Variants in TTLL6 observed in about 807,000 individuals in gnomAD.
The protein encoded by TTLL6 is tubulin tyrosine ligase like 6.
TTLL6 carries 75 observed loss-of-function variants against 96.4 expected under a neutral mutation model. That is an observed-to-expected ratio of 0.78 (90% CI 0.65 to 0.94). The LOEUF (loss-of-function observed/expected upper bound fraction) is 0.94, where lower values mean the gene tolerates loss of function less well. Ranked by LOEUF, TTLL6 falls within the 40% of genes least tolerant of loss-of-function variation. TTLL6 has a pLI of 0.00. For missense variants in TTLL6, 1,030 were observed against 1,093.0 expected (o/e 0.94, Z 0.81); for synonymous variants, 411 against 419.4 (o/e 0.98, Z 0.24).
At chr17:48,805,143 G>C (rs1386729956) in intron 1 of TTLL6, among the ~76,000 whole-genome samples, 152 bp from the exon 2 acceptor site, 1 of 152,248 alleles carries the variant, frequency 6.6e-6, no homozygotes, top group African/African-American at 2.4e-5. Context: ...TTTGATGCAA[G>C]CTCAGGGAGG....
intron 1 of TTLL6, among the ~76,000 whole-genome samples, chr17:48,813,685 G>A (rs1168094397): frequency 6.6e-6 from 1 of 152,110 alleles, no homozygotes; most frequent in Non-Finnish European, 1.5e-5. Context: ...GCCATAACCT[G>A]GTAACAGCTG....
chr17:48,807,878 G>T (rs565190551), intron 1 of TTLL6, among the ~76,000 whole-genome samples: 3 of 151,956 alleles, frequency 2.0e-5, no homozygotes, highest in Admixed American at 6.5e-5. Flanking sequence ...TCGCTCAGTC[G>T]CCCAGGCTGG....
chr17:48,785,228 C>G (rs2039068019), intron 12 of TTLL6, 27 bp from the exon 13 acceptor site: 1 of 1,613,682 alleles, frequency 6.2e-7, no homozygotes, highest in Non-Finnish European at 8.5e-7. Flanking sequence ...CCACAACACA[C>G]AGCCATGGGA....
chr17:48,781,800 G>A (rs1290179048), intron 13 of TTLL6, among the ~76,000 whole-genome samples: 1 of 152,130 alleles, frequency 6.6e-6, no homozygotes, highest in Non-Finnish European at 1.5e-5. Context: ...ATGACTAGTG[G>A]AAAGGGCAGA....
At chr17:48,803,037 G>A (rs145628949) in intron 3 of TTLL6, among the ~76,000 whole-genome samples, 273 of 152,088 alleles carry the variant, frequency 1.8e-3, no homozygotes, top group African/African-American at 6.2e-3. Context: ...GGGCGAGGTG[G>A]TGCATGCCTG....
intron 13 of TTLL6, among the ~76,000 whole-genome samples, chr17:48,781,094 C>T (rs1018709610): frequency 6.6e-6 from 1 of 151,620 alleles, no homozygotes; most frequent in East Asian, 1.9e-4. Flanking sequence ...GTTGCCCAGG[C>T]TGGAGTGCAG....
intron 13 of TTLL6, among the ~76,000 whole-genome samples, chr17:48,773,439 C>T (rs1384902017): frequency 6.6e-6 from 1 of 152,124 alleles, no homozygotes; most frequent in African/African-American, 2.4e-5. Context: ...AAAACCACAC[C>T]CAGACACATT....
At chr17:48,782,880 A>G (rs538444350) in intron 13 of TTLL6, among the ~76,000 whole-genome samples, 1 of 151,790 alleles carries the variant, frequency 6.6e-6, no homozygotes, top group African/African-American at 2.4e-5. Flanking sequence ...TGCCCAGCTA[A>G]TTTTTGTATT....
chr17:48,797,151 T>C lies in TTLL6; in HGVS notation c.822A>G (p.Thr274=), dbSNP rs1246052164. 1 of 1,551,484 alleles carries C rather than the reference T, an allele frequency of 6.4e-7. No homozygotes were observed. Among genetic ancestry groups the C allele is most frequent in the African/African-American group, 1.4e-5 (1 of 72,980 alleles). ...CAAAAATCCTGAGAGGGTCACAGGA[T>C]GTCACCAGTACATAAATCCGTAGGT... The part of the protein sequence containing the change: ...KFDLRIYVLV[T]SCDPLRIFVY... The change falls in exon 7 of 16, where the codon ACA becomes ACG. Residue 274 remains threonine, a synonymous_variant. Transcript: ENST00000393382.
At chr17:48,811,147 C>A (rs778320972) in intron 1 of TTLL6, among the ~76,000 whole-genome samples, 42 of 148,818 alleles carry the variant, frequency 2.8e-4, no homozygotes, top group Middle Eastern at 3.2e-3. Flanking sequence ...CGGCTCACTG[C>A]AACCTCTGCT....
intron 13 of TTLL6, among the ~76,000 whole-genome samples, chr17:48,781,644 C>T (rs2038987544): frequency 2.0e-5 from 3 of 152,030 alleles, no homozygotes; most frequent in South Asian, 2.1e-4. Context: ...TTTTAAATTG[C>T]ATTTTTGTTG....
intron 13 of TTLL6, among the ~76,000 whole-genome samples, chr17:48,782,849 G>T (rs1367571389): frequency 6.6e-6 from 1 of 152,092 alleles, no homozygotes; most frequent in African/African-American, 2.4e-5. Flanking sequence ...AAGTAGACGG[G>T]ATTGTAGGCA....
chr17:48,804,353 G>A, intron 2 of TTLL6: 1 of 483,958 alleles, frequency 2.1e-6, no homozygotes, highest in Non-Finnish European at 4.1e-6. Flanking sequence ...CAGTCTGAAT[G>A]GAGCAAGGCA....
At chr17:48,810,114 G>C (rs2039557999) in intron 1 of TTLL6, among the ~76,000 whole-genome samples, 1 of 143,870 alleles carries the variant, frequency 7.0e-6, no homozygotes, top group Admixed American at 7.1e-5. Flanking sequence ...ACTCCAGCCT[G>C]GACAACAAGA....
intron 1 of TTLL6, among the ~76,000 whole-genome samples, chr17:48,805,699 G>A (rs1264519312): frequency 1.3e-5 from 2 of 152,172 alleles, no homozygotes; most frequent in Admixed American, 6.5e-5. Flanking sequence ...ATCGCCAGGC[G>A]CAGCGGCTCA....
chr17:48,774,872 C>T (rs1465909824), intron 13 of TTLL6, among the ~76,000 whole-genome samples: 1 of 152,070 alleles, frequency 6.6e-6, no homozygotes, highest in Non-Finnish European at 1.5e-5. Context: ...ATGGCTCATG[C>T]CTACAATCCC....
chr17:48,769,950 G>C lies in TTLL6; in HGVS notation c.2188C>G (p.Gln730Glu). The C allele has an allele frequency of 6.2e-7, 1 of 1,614,154 alleles. No individual in the cohort carries two copies. Among genetic ancestry groups the C allele is most frequent in the South Asian group, 1.1e-5 (1 of 91,080 alleles). The change falls in exon 14 of 16, where the codon CAG becomes GAG. Residue 730 changes from glutamine (Q) to glutamate (E), a missense_variant. Coordinates refer to ENST00000393382, the MANE Select transcript of TTLL6 (RefSeq NM_001130918.3). ...RVVSFKCKKQ[Q>E]TPPHLTQKKM... Reference sequence around the variant, plus strand: ...TTCTGGGTTAAGTGTGGAGGGGTCTGCTGCTTCTTGCATTTAAAGGATACC... The same window carrying C: ...TTCTGGGTTAAGTGTGGAGGGGTCTCCTGCTTCTTGCATTTAAAGGATACC...
chr17:48,782,152 C>A (rs1167563246), intron 13 of TTLL6, among the ~76,000 whole-genome samples: 3 of 141,912 alleles, frequency 2.1e-5, no homozygotes, highest in African/African-American at 8.0e-5. Context: ...ATTGCCCAGG[C>A]TGTGGGGCAG....
At chr17:48,769,316 G>C (rs1450486105) in intron 14 of TTLL6, 62 bp from the exon 15 acceptor site, 5 of 1,525,150 alleles carry the variant, frequency 3.3e-6, no homozygotes, top group African/African-American at 1.4e-5. Flanking sequence ...CAAATTCCTG[G>C]TGAAGACCAC....
Sources: allele counts gnomAD v4.1 joint callset (sites outside exome capture counted in the v4.1 genomes callset), GRCh38; gene constraint gnomAD v4.1.1; transcripts MANE v1.5; gene names NCBI Gene and HGNC (gene_info 2026-07-23, HGNC 2026-07-21).